The following SETDB1 variants were observed in gnomAD, a reference collection of about 807,000 sequenced individuals.
The protein encoded by SETDB1 is histone-lysine N-methyltransferase SETDB1.
SETDB1 carries 31 observed loss-of-function variants against 137.4 expected under a neutral mutation model. The ratio of observed to expected loss-of-function variants is 0.23; its 90% CI spans 0.17 to 0.30. SETDB1 has a LOEUF of 0.30. Among genes scored for constraint, SETDB1 ranks in the 10% least tolerant of loss-of-function variants. The probability of loss-of-function intolerance (pLI) is 1.00; values close to 1 mark genes in which losing one functional copy is unlikely to be tolerated. For missense variants in SETDB1, 1,113 were observed against 1,631.5 expected, an observed-to-expected ratio of 0.68 and a Z score of 5.47; for synonymous variants, 548 against 579.9, an observed-to-expected ratio of 0.95 and a Z score of 0.79.
At chr1:150,948,587 T>A (rs587659383) in intron 10 of SETDB1, among the ~76,000 whole-genome samples, 111 of 152,036 alleles carry the variant, frequency 7.3e-4, no homozygotes, top group African/African-American at 2.6e-3. Context: ...CTTTTATTCC[T>A]TTACTTTGTG....
chr1:150,926,895 C>G, intron 1 of SETDB1: 1 of 516,154 alleles, frequency 1.9e-6, no homozygotes, highest in East Asian at 5.5e-5. Context: ...GTTTGAATAT[C>G]ATAGACTTTT....
chr1:150,933,767 CTTTTTCTTTTTCTTTTTTTT>C (rs1669850892), intron 3 of SETDB1, among the ~76,000 whole-genome samples: 2 of 116,820 alleles, frequency 1.7e-5, no homozygotes, highest in Non-Finnish European at 1.8e-5. Context: ...TTTTCTTTTT[CTTTTTCTTTTTCTTTTTTTT>C]TTTTTTTTTT....
intron 17 of SETDB1, 28 bp downstream of exon 17, chr1:150,962,186 TGAGACA>T: frequency 6.2e-7 from 1 of 1,606,936 alleles, no homozygotes; most frequent in Middle Eastern, 1.7e-4. Context: ...TGTTTTGTTT[TGAGACA>T]GAGTCTTGCT....
At chr1:150,956,228 A>G (rs12047758) in intron 14 of SETDB1, among the ~76,000 whole-genome samples, 1 of 152,208 alleles carries the variant, frequency 6.6e-6, no homozygotes, top group East Asian at 1.9e-4. Flanking sequence ...TCTACTAAAA[A>G]TACAAAAATT....
intron 4 of SETDB1, among the ~76,000 whole-genome samples, chr1:150,940,942 G>A (rs1203809875): frequency 6.7e-6 from 1 of 148,740 alleles, no homozygotes; most frequent in Non-Finnish European, 1.5e-5. Context: ...AGGTTGCGGT[G>A]AACCTAAATC....
In SETDB1 at chr1:150,962,726, C is replaced by A; in HGVS notation, c.3294+7C>A. On this transcript the variant is annotated splice_region_variant and intron_variant, in intron 18 of 21. Transcript: ENST00000692827. ...TGCTCAGTCCAACCCTGATGTAAGTCACCTCAAGCTTATTCAGAGTCTAAT... is the reference window on the plus strand; with the variant it reads ...TGCTCAGTCCAACCCTGATGTAAGTAACCTCAAGCTTATTCAGAGTCTAAT... 6.2e-7 allele frequency: 1 copy of A among 1,613,648 alleles called. No homozygotes were observed. The highest frequency in any genetic ancestry group is 1.1e-5 in the South Asian group (1 of 91,070).
intron 9 of SETDB1, among the ~76,000 whole-genome samples, chr1:150,946,001 C>CTGTTTTGTTTTGTTTTGTTT (rs3034037): frequency 6.7e-6 from 1 of 149,364 alleles, no homozygotes; most frequent in African/African-American, 2.5e-5. Flanking sequence ...CACGCCTGGC[C>CTGTTTTGTTTTGTTTTGTTT]TGTTTTGTTT....
At position 150,949,262 on chromosome 1, in the gene SETDB1, C is replaced by G. The variant is rs1001480463; in HGVS notation, c.1408C>G (p.Gln470Glu). ...CCCACCTGCTCCACCTCTATCCCCC[C>G]AAGCAGGTGACAGTGAGTGAGTGTT... The part of the protein sequence containing the change: ...PFPPAPPLSP[Q>E]AGDSESLESQ... The change falls in exon 11 of 22, where the codon CAA (glutamine) becomes GAA (glutamate). Residue 470 changes from glutamine to glutamate, a missense_variant. This residue lies in a region of SETDB1 where 192 missense variants were observed against 198.1 expected (regional missense o/e 0.97). Transcript: ENST00000692827. The G allele has an allele frequency of 6.2e-7, 1 of 1,613,792 alleles. No individual in the cohort carries two copies. Among genetic ancestry groups the G allele is most frequent in the Admixed American group, 1.7e-5 (1 of 59,970 alleles).
intron 3 of SETDB1, among the ~76,000 whole-genome samples, chr1:150,930,915 T>C (rs984367320): frequency 6.6e-6 from 1 of 152,138 alleles, no homozygotes; most frequent in Non-Finnish European, 1.5e-5. Flanking sequence ...GATATCTTTC[T>C]TTTTCTTTTC....
intron 14 of SETDB1, among the ~76,000 whole-genome samples, chr1:150,952,081 G>C (rs1018470174): frequency 2.0e-5 from 3 of 151,940 alleles, no homozygotes; most frequent in African/African-American, 7.3e-5. Context: ...CCAGGAGGCA[G>C]AGGTTGCAGT....
At chr1:150,947,117 A>G in intron 10 of SETDB1, 105 bp downstream of exon 10, 1 of 1,337,044 alleles carries the variant, frequency 7.5e-7, no homozygotes, top group Non-Finnish European at 1.0e-6. Flanking sequence ...CTGTATACTC[A>G]TTGGAAACAG....
intron 4 of SETDB1, 117 bp downstream of exon 4, chr1:150,940,091 G>A: frequency 1.5e-6 from 1 of 669,450 alleles, no homozygotes; most frequent in Non-Finnish European, 2.6e-6. Flanking sequence ...CCTGTGATCA[G>A]CCCTTTGCGT....
At chr1:150,937,461 A>G (rs987756190) in intron 3 of SETDB1, among the ~76,000 whole-genome samples, 1 of 152,110 alleles carries the variant, frequency 6.6e-6, no homozygotes, top group Non-Finnish European at 1.5e-5. Context: ...TTGTACACTT[A>G]AAAATGATTA....
chr1:150,956,051 C>G (rs957714575), intron 14 of SETDB1, among the ~76,000 whole-genome samples: 2 of 142,556 alleles, frequency 1.4e-5, no homozygotes, highest in African/African-American at 5.3e-5. Context: ...GAGATTGCAC[C>G]ATTGCACTCC....
intron 20 of SETDB1, 29 bp downstream of exon 20, chr1:150,963,770 C>G (rs113680983): frequency 6.3e-7 from 1 of 1,596,984 alleles, no homozygotes; most frequent in Non-Finnish European, 8.6e-7. Context: ...CCTCTAGATG[C>G]TGGATTATCC....
Position 150,946,954 on chromosome 1 carries a change from A to T in SETDB1, c.1209A>T (p.Thr403=), listed in dbSNP as rs1398038709. Residue 403 remains threonine, a synonymous_variant, in exon 10 of 22, where the codon ACA becomes ACT. Transcript: ENST00000692827. ...TRLEPMFSMK[T]SSASALEKKQ... ...TGGAGCCCATGTTCAGCATGAAAACATCCTCAGCCTCTGCACTGGAGAAGA... is the reference window on the plus strand; with the variant it reads ...TGGAGCCCATGTTCAGCATGAAAACTTCCTCAGCCTCTGCACTGGAGAAGA... 2 of 1,614,206 alleles carry T rather than the reference A, an allele frequency of 1.2e-6. No individual in the cohort carries two copies. The highest frequency in any genetic ancestry group is 2.2e-5 in the South Asian group (2 of 91,086).
At position 150,933,925 on chromosome 1, in the gene SETDB1, A is replaced by G. The variant is rs1447110586; in HGVS notation, c.412+3807A>G. Among the ~76,000 whole-genome samples the G allele has an allele frequency of 4.0e-5, 6 of 150,996 alleles. No individual in the cohort carries two copies. In the East Asian group the frequency reaches 1.2e-3, roughly 30 times the overall value. On this transcript the variant is annotated intron_variant, in intron 3 of 21. Transcript: ENST00000692827. ...CAGCCTCCTAAGTAGCTGGGATTACAGGCATGCACCACCATGCCTGGCTAA... is the reference window on the plus strand; with the variant it reads ...CAGCCTCCTAAGTAGCTGGGATTACGGGCATGCACCACCATGCCTGGCTAA...
intron 1 of SETDB1, 147 bp from the exon 2 acceptor site, chr1:150,927,557 C>A: frequency 1.5e-6 from 1 of 679,968 alleles, no homozygotes; most frequent in East Asian, 2.8e-5. Context: ...GCATCAGATT[C>A]TGGAGAATAG....
chr1:150,942,145 A>G (rs1426365026), intron 5 of SETDB1, among the ~76,000 whole-genome samples: 1 of 149,786 alleles, frequency 6.7e-6, no homozygotes, highest in East Asian at 1.9e-4. Flanking sequence ...ATCTCAAAAA[A>G]AAAAAAAAAA....
Sources: allele counts gnomAD v4.1 joint callset (sites outside exome capture counted in the v4.1 genomes callset), GRCh38; gene constraint gnomAD v4.1.1; regional missense constraint gnomAD v4.1.1; transcripts MANE v1.5; gene names NCBI Gene and HGNC (gene_info 2026-07-23, HGNC 2026-07-21).